NEDD9: variants seen among roughly 807,000 people sequenced by gnomAD.
NEDD9 encodes neural precursor cell expressed, developmentally down-regulated 9.
A neutral mutation model predicts 76.6 loss-of-function variants in NEDD9; 26 were observed. The observed-to-expected ratio is 0.34, with a 90% CI of 0.25 to 0.47. The LOEUF is 0.47. NEDD9 is among the 20% of genes least tolerant of loss of function. NEDD9 has a pLI of 1.00. For missense variants in NEDD9, 937 were observed against 1,058.5 expected (o/e 0.89, Z 1.59); for synonymous variants, 392 against 414.2 (o/e 0.95, Z 0.65).
intron 3 of NEDD9, among the ~76,000 whole-genome samples, chr6:11,273,708 G>A (rs1484033062): frequency 1.3e-5 from 2 of 152,172 alleles, no homozygotes; most frequent in Admixed American, 6.5e-5. Context: ...ATGGAAGGCC[G>A]AAATGGACAC....
At chr6:11,296,542 C>T (rs1760888401) in intron 3 of NEDD9, among the ~76,000 whole-genome samples, 1 of 152,206 alleles carries the variant, frequency 6.6e-6, no homozygotes, top group African/African-American at 2.4e-5. Context: ...GATGTAAATA[C>T]ACGGTGTGGA....
At chr6:11,211,519 A>G (rs1156585345) in intron 2 of NEDD9, among the ~76,000 whole-genome samples, 1 of 152,224 alleles carries the variant, frequency 6.6e-6, no homozygotes, top group Admixed American at 6.5e-5. Flanking sequence ...GGTGCAAACA[A>G]CCAGGACTAA....
intron 3 of NEDD9, among the ~76,000 whole-genome samples, chr6:11,290,336 C>G (rs1760738442): frequency 6.6e-6 from 1 of 152,222 alleles, no homozygotes; most frequent in Admixed American, 6.5e-5. Flanking sequence ...ACCTTTTAAG[C>G]TCTCTTGACA....
intron 2 of NEDD9, among the ~76,000 whole-genome samples, chr6:11,319,623 A>G (rs1261242329): frequency 2.9e-5 from 4 of 140,262 alleles, no homozygotes; most frequent in African/African-American, 5.2e-5. Context: ...ACACTCACAC[A>G]CACACACACT....
chr6:11,308,894 T>G (rs1318241275), intron 2 of NEDD9, among the ~76,000 whole-genome samples: 1 of 152,240 alleles, frequency 6.6e-6, no homozygotes, highest in African/African-American at 2.4e-5. Context: ...TTTGAAGTGA[T>G]GTCAAAGGAA....
intron 2 of NEDD9, among the ~76,000 whole-genome samples, chr6:11,309,559 T>C (rs1310719701): frequency 6.6e-6 from 1 of 152,228 alleles, no homozygotes; most frequent in Non-Finnish European, 1.5e-5. Flanking sequence ...TTTTCAGCTT[T>C]AACAGAAAAT....
intron 1 of NEDD9, among the ~76,000 whole-genome samples, chr6:11,379,624 G>A (rs111420549): frequency 5.3e-5 from 8 of 151,758 alleles, no homozygotes; most frequent in African/African-American, 1.9e-4. Flanking sequence ...AAAACTTAAA[G>A]ATTTATATTT....
intron 2 of NEDD9, chr6:11,334,413 A>G (rs1334138067): frequency 1.3e-5 from 2 of 152,234 alleles, no homozygotes; most frequent in African/African-American, 4.8e-5. Flanking sequence ...GAATTTGTAC[A>G]AATCGGGCAA....
intron 3 of NEDD9, among the ~76,000 whole-genome samples, chr6:11,302,065 A>G (rs142091628): frequency 9.8e-5 from 15 of 152,342 alleles, no homozygotes; most frequent in African/African-American, 2.6e-4. Context: ...CAAAAAATCA[A>G]TGAATCCAGG....
intron 3 of NEDD9, among the ~76,000 whole-genome samples, chr6:11,246,450 C>T (rs911372210): frequency 6.6e-6 from 1 of 152,156 alleles, no homozygotes; most frequent in Admixed American, 6.5e-5. Context: ...GCCCCGGGCC[C>T]CACCAGTTAC....
Position 11,213,753 on chromosome 6 carries a change from C to G in NEDD9, c.13-26G>C. ...CTAGGAGGGAAGGAAGAGAAGGAAA[C>G]CGTGTTAGAATATTGGGTCGGTCCC... is the stretch of plus-strand genomic sequence containing the variant. On this transcript the variant is annotated intron_variant, in intron 1 of 6. Coordinates refer to ENST00000379446, the MANE Select transcript of NEDD9 (RefSeq NM_006403.4). The surrounding 1 kb of genome is among the most constrained non-coding windows in gnomAD (Gnocchi z 5.4). The G allele has an allele frequency of 6.2e-7, 1 of 1,608,342 alleles. No homozygotes were observed. The highest frequency in any genetic ancestry group is 1.1e-5 in the South Asian group (1 of 90,742).
chr6:11,348,080 T>C (rs1379577334), intron 1 of NEDD9, among the ~76,000 whole-genome samples: 1 of 152,232 alleles, frequency 6.6e-6, no homozygotes, highest in Non-Finnish European at 1.5e-5. Context: ...GATAAGCAAC[T>C]TCATCAAAGT....
At chr6:11,327,218 A>T (rs1257560272) in intron 2 of NEDD9, among the ~76,000 whole-genome samples, 1 of 152,132 alleles carries the variant, frequency 6.6e-6, no homozygotes, top group Non-Finnish European at 1.5e-5. Flanking sequence ...ATCGGACTAC[A>T]ATTTCCTTAG....
chr6:11,381,739 T>A (rs1187179915), intron 1 of NEDD9, among the ~76,000 whole-genome samples: 1 of 152,190 alleles, frequency 6.6e-6, no homozygotes, highest in South Asian at 2.1e-4. Flanking sequence ...ACGTAAATGA[T>A]TCTAATCCAC....
chr6:11,369,474 C>T (rs530681540), intron 1 of NEDD9, among the ~76,000 whole-genome samples: 1 of 152,294 alleles, frequency 6.6e-6, no homozygotes, highest in East Asian at 1.9e-4. Flanking sequence ...ACCATTGCTC[C>T]TGTGTACTAC....
chr6:11,368,354 T>C (rs947564797), intron 1 of NEDD9, among the ~76,000 whole-genome samples: 2 of 152,266 alleles, frequency 1.3e-5, no homozygotes, highest in African/African-American at 4.8e-5. Flanking sequence ...AAGAATTGTT[T>C]ATATTTTAAG....
chr6:11,380,975 T>G (rs1180173757), intron 1 of NEDD9, among the ~76,000 whole-genome samples: 1 of 152,148 alleles, frequency 6.6e-6, no homozygotes, highest in Non-Finnish European at 1.5e-5. Flanking sequence ...TGCCCAGCTA[T>G]CTTGTTTAAG....
intron 3 of NEDD9, among the ~76,000 whole-genome samples, chr6:11,293,684 A>G (rs939954565): frequency 1.3e-5 from 2 of 151,936 alleles, no homozygotes; most frequent in African/African-American, 4.8e-5. Flanking sequence ...TCAAGTATAT[A>G]TTAAATACAG....
At chr6:11,232,991 C>T (rs1227433015), upstream of NEDD9, among the ~76,000 whole-genome samples, 2 of 152,088 alleles carry the variant, frequency 1.3e-5, no homozygotes, top group South Asian at 2.1e-4. Flanking sequence ...CAAAAGCAGT[C>T]TGACAGTCGC....
Sources: gnomAD v4.1 joint callset for allele counts (sites outside exome capture counted in the v4.1 genomes callset) on GRCh38, gnomAD v4.1.1 for gene constraint, Gnocchi (gnomAD v3.1) non-coding constraint, MANE v1.5 for transcripts, NCBI Gene and HGNC (gene_info 2026-07-23, HGNC 2026-07-21) for gene names.